The following SH3D21 variants were observed in gnomAD, a reference collection of about 807,000 sequenced individuals.
The protein encoded by SH3D21 is SH3 domain-containing protein 21.
In SH3D21, 83 loss-of-function variants were observed where a neutral mutation model predicts 82.1. That is an observed-to-expected ratio of 1.01 (90% CI 0.85 to 1.21). The LOEUF is 1.21. Among genes scored for constraint, SH3D21 ranks in the 50% most tolerant of loss-of-function variants. The pLI is 0.00. For synonymous variants in SH3D21, 383 were observed against 387.8 expected (o/e 0.99, Z 0.15); for missense variants, 980 against 962.1 (o/e 1.02, Z -0.25).
chr1:36,306,424 G>GT lies in SH3D21; in HGVS notation c.4_4+1insT (p.Glu2ValfsTer116). 5 of 1,305,416 alleles carry GT rather than the reference G, an allele frequency of 3.8e-6. No homozygotes were observed. The highest frequency in any genetic ancestry group is 5.1e-6 in the Non-Finnish European group (5 of 988,972). The allele number at this position is 1,305,416 out of a possible 1,614,324, so 80.9% of individuals were successfully genotyped here. A position where few individuals can be genotyped will look rare whatever the true frequency, so the allele number is the denominator to read the frequency against. ...TCTGGAGGGCGCCCCGGAAACCATG[G>GT]GTAAGTGCGGAGGCTTTGAGGTGGC... On this transcript the variant is annotated frameshift_variant and splice_region_variant. Transcript: ENST00000453908. LOFTEE classifies it high-confidence loss of function. This position sits in a 1 kb window ranked among gnomAD's most constrained non-coding sequence, Gnocchi z 4.5.
chr1:36,318,864 G>A (rs1646389351), intron 10 of SH3D21, among the ~76,000 whole-genome samples: 2 of 150,936 alleles, frequency 1.3e-5, no homozygotes, highest in African/African-American at 2.4e-5. Context: ...AGCCGAGATC[G>A]CACCACTGGG....
At chr1:36,316,436 T>C (rs1570394114) in intron 10 of SH3D21, among the ~76,000 whole-genome samples, 1 of 152,194 alleles carries the variant, frequency 6.6e-6, no homozygotes, top group African/African-American at 2.4e-5. Flanking sequence ...GGTTTCACCA[T>C]GTTGGCCAGG....
chr1:36,308,132 G>C lies in SH3D21; in HGVS notation c.562G>C (p.Val188Leu). ...AGTCTCCCACCCTGAGGTCTACAGG[G>C]TCCTGTTTGACTACCAGCCTGAGGC... ...QTVSHPEVYR[V>L]LFDYQPEAPD... Residue 188 changes from valine to leucine, a missense_variant, in exon 8 of 16, where the codon GTC becomes CTC. Transcript: ENST00000453908. 1 of 1,549,930 alleles carries C rather than the reference G, an allele frequency of 6.5e-7. No homozygotes were observed. Among genetic ancestry groups the C allele is most frequent in the Non-Finnish European group, 8.7e-7 (1 of 1,146,096 alleles).
At chr1:36,328,097 A>G (rs554390694), downstream of SH3D21, 26 of 457,786 alleles carry the variant, frequency 5.7e-5, 1 homozygote, top group East Asian at 6.3e-4. Flanking sequence ...CTGCCCTCCT[A>G]TCTGCCTGTG....
At position 36,307,853 on chromosome 1, in the gene SH3D21, G is replaced by A; in HGVS notation, c.492+28G>A. The A allele has an allele frequency of 6.4e-7, 1 of 1,551,762 alleles. No homozygotes were observed. Among genetic ancestry groups the A allele is most frequent in the Non-Finnish European group, 8.7e-7 (1 of 1,147,020 alleles). On this transcript the variant is annotated intron_variant, in intron 6 of 15. Transcript: ENST00000453908. The surrounding 1 kb of genome is among the most constrained non-coding windows in gnomAD (Gnocchi z 5.4). ...AAGTTGGCTCAGAGTAGGCACAGAGGTGGTGAGTTCCTCTTGGGGTGGTTG... is the reference window on the plus strand; with the variant it reads ...AAGTTGGCTCAGAGTAGGCACAGAGATGGTGAGTTCCTCTTGGGGTGGTTG...
At chr1:36,322,147 G>A (rs888906797), downstream of SH3D21, 4 of 1,354,390 alleles carry the variant, frequency 3.0e-6, no homozygotes, top group Admixed American at 3.3e-5. Flanking sequence ...TGGCAGGACT[G>A]GGGAAGGGAG....
In SH3D21 at chr1:36,320,313, G is replaced by T. The variant is rs1251559240; in HGVS notation, c.1650G>T (p.Met550Ile). ...PPSSERCLGE[M>I]KCTLVRGDSS... Reference sequence around the variant, plus strand: ...CCTCAGAGAGGTGCCTGGGAGAGATGAAATGTACCCTAGTTAGAGGGGACA... The same window carrying T: ...CCTCAGAGAGGTGCCTGGGAGAGATTAAATGTACCCTAGTTAGAGGGGACA... The change falls in exon 14 of 16, where the codon ATG (methionine) becomes ATT (isoleucine). Residue 550 changes from methionine (M) to isoleucine (I), a missense_variant. By Grantham distance (10) the Met-to-Ile change is conservative. Coordinates refer to ENST00000453908, the MANE Select transcript of SH3D21 (RefSeq NM_001162530.2). The T allele has an allele frequency of 2.5e-6, 4 of 1,612,844 alleles. No individual in the cohort carries two copies. The highest frequency in any genetic ancestry group is 2.2e-5 in the South Asian group (2 of 91,064).
At position 36,320,481 on chromosome 1, in the gene SH3D21, C is replaced by T; in HGVS notation, c.1818C>T (p.Pro606=). The T allele has an allele frequency of 6.2e-7, 1 of 1,613,842 alleles. No homozygotes were observed. The highest frequency in any genetic ancestry group is 1.7e-5 in the Admixed American group (1 of 59,944). The change falls in exon 14 of 16, where the codon CCC becomes CCT. Residue 606 remains proline, a synonymous_variant. Transcript: ENST00000453908. ...GGACCCCTGAAGAGGAGGCGCCCCC[C>T]AACGAGCAGAGGCCTCTGAGAGAGG... is the stretch of plus-strand genomic sequence containing the variant. ...DERTPEEEAP[P]NEQRPLREEV...
Position 36,320,346 on chromosome 1 carries a change from A to C in SH3D21, c.1683A>C (p.Pro561=), listed in dbSNP as rs779784700. The C allele has an allele frequency of 1.2e-5, 19 of 1,613,140 alleles. No homozygotes were observed. Among genetic ancestry groups the C allele is most frequent in the Middle Eastern group, 1.6e-4 (1 of 6,078 alleles). The change falls in exon 14 of 16, where the codon CCA becomes CCC. Residue 561 remains proline, a synonymous_variant. Coordinates refer to ENST00000453908, the MANE Select transcript of SH3D21 (RefSeq NM_001162530.2). ...KCTLVRGDSS[P]RQAELKSGPA... ...CCCTAGTTAGAGGGGACAGCTCCCC[A>C]CGCCAGGCTGAGTTGAAGTCTGGGC...
intron 10 of SH3D21, among the ~76,000 whole-genome samples, chr1:36,316,118 C>G (rs891408123): frequency 6.6e-6 from 1 of 152,192 alleles, no homozygotes; most frequent in African/African-American, 2.4e-5. Context: ...GACCTGCCCT[C>G]TAGCGTGTTT....
rs1435461320 is a variant in SH3D21, at chr1:36,306,383, G to A, written c.-38G>A. 1.5e-6 allele frequency: 2 copies of A among 1,305,382 alleles called. No homozygotes were observed. Among genetic ancestry groups the A allele is most frequent in the Non-Finnish European group, 2.0e-6 (2 of 988,954 alleles). The allele number at this position is 1,305,382 out of a possible 1,614,324, so 80.9% of individuals were successfully genotyped here. A position where few individuals can be genotyped will look rare whatever the true frequency, so the allele number is the denominator to read the frequency against. On this transcript the variant is annotated 5_prime_UTR_variant, in exon 1 of 16. Transcript: ENST00000453908. This position sits in a 1 kb window ranked among gnomAD's most constrained non-coding sequence, Gnocchi z 4.5. ...GCGCGGGCCCAGTACTCGGCCGTCA[G>A]AGGGAGCTGCCAGGCTCTGGAGGGC...
At chr1:36,320,873 GCCCTCACCTGCCCAGC>G (rs1646445738) in intron 14 of SH3D21, 26 bp from the exon 15 acceptor site, 5 of 1,551,800 alleles carry the variant, frequency 3.2e-6, no homozygotes, top group East Asian at 2.4e-5. Context: ...CTCACCTCCA[GCCCTCACCTGCCCAGC>G]CCCTCACCTC....
rs1285178357 is a variant in SH3D21, at chr1:36,319,776, C to T, written c.1113C>T (p.Ala371=). ...TPERPPAPEN[A]PSSKKIPAPD... ...AGAGGCCCCCAGCTCCAGAGAACGC[C>T]CCCAGCTCCAAGAAGATCCCGGCTC... Residue 371 remains alanine (A), a synonymous_variant, in exon 14 of 16, where the codon GCC becomes GCT. Transcript: ENST00000453908. The T allele has an allele frequency of 4.3e-6, 7 of 1,613,414 alleles. No homozygotes were observed. Among genetic ancestry groups the T allele is most frequent in the Non-Finnish European group, 8.5e-7 (1 of 1,179,714 alleles).
chr1:36,311,411 T>C (rs1025626106), intron 10 of SH3D21, among the ~76,000 whole-genome samples: 2 of 152,030 alleles, frequency 1.3e-5, no homozygotes, highest in Non-Finnish European at 2.9e-5. Flanking sequence ...CAGCTAATTT[T>C]TTGTATTTTT....
chr1:36,326,390 C>T (rs1646545800), downstream of SH3D21, among the ~76,000 whole-genome samples: 2 of 152,096 alleles, frequency 1.3e-5, no homozygotes, highest in Admixed American at 1.3e-4. Context: ...CACAACCACA[C>T]CCTGCTAATT....
Position 36,319,845 on chromosome 1 carries a change from C to T in SH3D21, c.1182C>T (p.Asp394=), listed in dbSNP as rs573393789. 1.4e-5 allele frequency: 22 copies of T among 1,613,866 alleles called. No individual in the cohort carries two copies. The South Asian group carries it at 2.2e-4, about 16-fold the overall frequency. Residue 394 remains aspartate, a synonymous_variant, in exon 14 of 16, where the codon GAC becomes GAT. Transcript: ENST00000453908. ...PSPEKTLTLG[D]KASIPGNSTS... ...CAGAGAAGACCCTCACTCTAGGGGA[C>T]AAGGCCTCTATCCCAGGGAACTCCA... is the stretch of plus-strand genomic sequence containing the variant.
intron 7 of SH3D21, 42 bp from the exon 8 acceptor site, chr1:36,308,067 G>A (rs1646165061): frequency 6.5e-7 from 1 of 1,546,064 alleles, no homozygotes; most frequent in Non-Finnish European, 8.7e-7. Flanking sequence ...GATGGATGGG[G>A]GAGGCTTGGC....
Position 36,307,616 on chromosome 1 carries a change from TCG to T in SH3D21, c.436+10_436+11del. On this transcript the variant is annotated intron_variant, in intron 5 of 15. Coordinates refer to ENST00000453908, the MANE Select transcript of SH3D21 (RefSeq NM_001162530.2). The surrounding 1 kb of genome is among the most constrained non-coding windows in gnomAD (Gnocchi z 5.4). ...GGACAGTGGGCCCCCAAGTGAGACCTCGACTCTGTGACCCTGTGACTCGCAAT... is the reference window on the plus strand; with the variant it reads ...GGACAGTGGGCCCCCAAGTGAGACCTACTCTGTGACCCTGTGACTCGCAAT... 1 of 1,551,282 alleles carries T rather than the reference TCG, an allele frequency of 6.4e-7. No individual in the cohort carries two copies.
At position 36,320,432 on chromosome 1, in the gene SH3D21, A is replaced by G; in HGVS notation, c.1769A>G (p.Glu590Gly). 6.2e-7 allele frequency: 1 copy of G among 1,612,946 alleles called. No individual in the cohort carries two copies. The highest frequency in any genetic ancestry group is 8.5e-7 in the Non-Finnish European group (1 of 1,179,648). Residue 590 changes from glutamate (E) to glycine (G), a missense_variant, in exon 14 of 16, where the codon GAG becomes GGG. Physicochemically the swap from Glu to Gly is moderately conservative, Grantham distance 98. Coordinates refer to ENST00000453908, the MANE Select transcript of SH3D21 (RefSeq NM_001162530.2). ...CACGAAGAGGCTACAACCCTTCCAG[A>G]GGAGGCACCTTCCAATGACGAGAGG... ...HPHEEATTLP[E>G]EAPSNDERTP...
Sources: allele counts gnomAD v4.1 joint callset (sites outside exome capture counted in the v4.1 genomes callset), GRCh38; gene constraint gnomAD v4.1.1; non-coding constraint Gnocchi (gnomAD v3.1); transcripts MANE v1.5; gene names NCBI Gene and HGNC (gene_info 2026-07-23, HGNC 2026-07-21).